LAMP2: variants seen among roughly 807,000 people sequenced by gnomAD.
The protein encoded by LAMP2 is lysosome associated membrane protein 2, also known as lysosome-associated membrane glycoprotein 2.
In LAMP2, 4 loss-of-function variants were observed where a neutral mutation model predicts 25.6. That is an observed-to-expected ratio of 0.16 (90% CI 0.08 to 0.36). The LOEUF is 0.36. LAMP2 is among the 10% of genes least tolerant of loss of function. LAMP2 has a pLI of 1.00. For synonymous variants in LAMP2, 108 were observed against 112.7 expected, an observed-to-expected ratio of 0.96 and a Z score of 0.27; for missense variants, 272 against 301.4, an observed-to-expected ratio of 0.90 and a Z score of 0.72.
Position 120,427,584 on chromosome X carries a change from C to G in LAMP2, c.*3739G>C, listed in dbSNP as rs1374243903. On this transcript the variant is annotated 3_prime_UTR_variant, in exon 9 of 9. Transcript: ENST00000200639. ...AAAGAAATCAATATATTAAAAATAT[C>G]AACTAGAGCATATTCACATAGGGAA... Among the ~76,000 whole-genome samples the G allele has an allele frequency of 8.9e-6, 1 of 111,943 alleles. No individual in the cohort carries two copies. The highest frequency in any genetic ancestry group is 3.2e-5 in the African/African-American group (1 of 30,807).
At chrX:120,460,524 C>T (rs1368132292) in intron 1 of LAMP2, among the ~76,000 whole-genome samples, 1 of 112,176 alleles carries the variant, frequency 8.9e-6, no homozygotes, top group Non-Finnish European at 1.9e-5. Flanking sequence ...CATTTTTCAA[C>T]TTGATATAAA....
intron 1 of LAMP2, among the ~76,000 whole-genome samples, chrX:120,467,723 C>T (rs1380753088): frequency 3.6e-5 from 4 of 112,124 alleles, no homozygotes; most frequent in African/African-American, 1.3e-4. Context: ...GGGCACAACA[C>T]AATCAGCGAA....
Position 120,431,277 on chromosome X carries a change from CTTG to C in LAMP2, c.*43_*45del. The C allele has an allele frequency of 1.7e-6, 2 of 1,206,703 alleles. No homozygotes were observed. Among genetic ancestry groups the C allele is most frequent in the Non-Finnish European group, 2.2e-6 (2 of 891,505 alleles). ...TTCAACAACTGAGAGGTAAGAAAAT[CTTG>C]TTATTTGCATGTATTTTTATATAAT... On this transcript the variant is annotated 3_prime_UTR_variant, in exon 9 of 9. Transcript: ENST00000200639.
At position 120,469,095 on chromosome X, in the gene LAMP2, C is replaced by G. The variant is rs1921660605; in HGVS notation, c.64+11G>C. The G allele has an allele frequency of 3.3e-6, 4 of 1,209,167 alleles. No homozygotes were observed. The highest frequency in any genetic ancestry group is 3.0e-5 in the East Asian group (1 of 33,762). ...GGCGGACAGACTAATCGGGAGGGCC[C>G]GACAACTCACCCAGGACTAGGCAGA... is the stretch of plus-strand genomic sequence containing the variant. On this transcript the variant is annotated intron_variant, in intron 1 of 8. Transcript: ENST00000200639.
Position 120,429,462 on chromosome X carries a change from C to T in LAMP2, c.*1861G>A, listed in dbSNP as rs1056068322. ...ATTAAATACAATTACATTTCTAAAG[C>T]ATCTGATACACATCAAGAGGTCAAC... On this transcript the variant is annotated 3_prime_UTR_variant, in exon 9 of 9. Coordinates refer to ENST00000200639, the MANE Select transcript of LAMP2 (RefSeq NM_002294.3). 22 of 605,340 alleles carry T rather than the reference C, an allele frequency of 3.6e-5. No individual in the cohort carries two copies. Among genetic ancestry groups the T allele is most frequent in the Admixed American group, 9.1e-5 (1 of 10,989 alleles). 49.9% of individuals were successfully genotyped at this position (605,340 alleles called of 1,213,427 possible). A position where few individuals can be genotyped will look rare whatever the true frequency, so the allele number is the denominator to read the frequency against.
intron 8 of LAMP2, chrX:120,438,143 C>T (rs1482469027): frequency 1.6e-5 from 12 of 735,853 alleles, no homozygotes; most frequent in African/African-American, 2.3e-5. Context: ...AGGCGTGAGC[C>T]GCCACGCCCA....
At chrX:120,433,088 A>C (rs1356349875) in intron 8 of LAMP2, among the ~76,000 whole-genome samples, 1 of 111,823 alleles carries the variant, frequency 8.9e-6, no homozygotes, top group African/African-American at 3.3e-5. Context: ...GGGATAGACA[A>C]TGGAGTAGGA....
Position 120,431,258 on chromosome X carries a change from A to G in LAMP2, c.*65T>C. On this transcript the variant is annotated 3_prime_UTR_variant, in exon 9 of 9. Coordinates refer to ENST00000200639, the MANE Select transcript of LAMP2 (RefSeq NM_002294.3). ...ATTTTAAGAAGCAAAGTGTTTCAAC[A>G]ACTGAGAGGTAAGAAAATCTTGTTA... The G allele has an allele frequency of 8.3e-7, 1 of 1,202,039 alleles. No homozygotes were observed.
intron 1 of LAMP2, among the ~76,000 whole-genome samples, chrX:120,460,738 G>T (rs1921280683): frequency 8.9e-6 from 1 of 111,920 alleles, no homozygotes; most frequent in African/African-American, 3.2e-5. Context: ...ATCACTTGAG[G>T]TCAGGAGTTC....
chrX:120,459,499 A>C (rs775670540), intron 1 of LAMP2, among the ~76,000 whole-genome samples: 73 of 112,474 alleles, frequency 6.5e-4, no homozygotes, highest in Non-Finnish European at 1.2e-3. Flanking sequence ...TCAAGCTCCC[A>C]GGCAACAAGG....
intron 3 of LAMP2, among the ~76,000 whole-genome samples, chrX:120,451,655 AG>A (rs766560054): frequency 9.0e-6 from 1 of 110,881 alleles, no homozygotes; most frequent in African/African-American, 3.3e-5. Context: ...TAGTAGAGAC[AG>A]GGTTTCACCA....
rs765836082 is a variant in LAMP2, at chrX:120,446,419, T to G, written c.750A>C (p.Ser250=). ...QLNITQDKVA[S]VININPNTTH... ...TTGTATTGGGGTTGATGTTAATAAC[T>G]GAAGCAACCTTCAGGAGAAGAAGAA... The change falls in exon 6 of 9, where the codon TCA becomes TCC. Residue 250 remains serine, a synonymous_variant. Transcript: ENST00000200639. 9 of 1,210,462 alleles carry G rather than the reference T, an allele frequency of 7.4e-6. No individual in the cohort carries two copies. The South Asian group carries it at 1.4e-4, about 19-fold the overall frequency.
In LAMP2 at chrX:120,438,727, C is replaced by CAA. The variant is rs1472403677; in HGVS notation, c.1093+3002_1093+3003insTT. ...ACACACACACACACACACACACACA[C>CAA]ACACAAAAAGAGCAAAAGGAGCAAG... On this transcript the variant is annotated intron_variant, in intron 8 of 8. Coordinates refer to ENST00000200639, the MANE Select transcript of LAMP2 (RefSeq NM_002294.3). 186 of 672,412 alleles carry CAA rather than the reference C, an allele frequency of 2.8e-4. 4 individuals carry two copies. The East Asian group carries it at 4.6e-3, about 17-fold the overall frequency. 55.4% of individuals were successfully genotyped at this position (672,412 alleles called of 1,213,427 possible).
intron 1 of LAMP2, among the ~76,000 whole-genome samples, chrX:120,468,290 C>T (rs779715535): frequency 9.0e-6 from 1 of 111,029 alleles, no homozygotes; most frequent in Non-Finnish European, 1.9e-5. Context: ...ATTTTTTTGT[C>T]AGCGTCTGGC....
chrX:120,454,067 C>G (rs1157006663), intron 3 of LAMP2, among the ~76,000 whole-genome samples: 1 of 110,893 alleles, frequency 9.0e-6, no homozygotes, highest in Non-Finnish European at 1.9e-5. Flanking sequence ...GTAATCAATT[C>G]ATAGGTTTTA....
chrX:120,454,934 G>GATATATATAT (rs397842673), intron 3 of LAMP2, among the ~76,000 whole-genome samples: 2,681 of 81,471 alleles, frequency 0.033, 173 homozygotes, highest in African/African-American at 0.12. Flanking sequence ...CACACACTAG[G>GATATATATAT]ATATATATAT....
chrX:120,449,900 G>A (rs1388603654), intron 3 of LAMP2, among the ~76,000 whole-genome samples: 1 of 111,519 alleles, frequency 9.0e-6, no homozygotes, highest in African/African-American at 3.3e-5. Context: ...TAAGGTGAAG[G>A]GTAAGGGAGG....
At chrX:120,438,639 A>G (rs746085859) in intron 8 of LAMP2, 12 of 754,070 alleles carry the variant, frequency 1.6e-5, no homozygotes, top group Middle Eastern at 7.6e-4. Flanking sequence ...ATATCTCTCA[A>G]AGGTCAAATA....
intron 4 of LAMP2, among the ~76,000 whole-genome samples, chrX:120,448,304 C>T (rs1039233059): frequency 1.8e-5 from 2 of 111,877 alleles, no homozygotes; most frequent in African/African-American, 6.5e-5. Flanking sequence ...TTTTTCAGAC[C>T]CTTAAATCTT....
Sources: allele counts gnomAD v4.1 joint callset (sites outside exome capture counted in the v4.1 genomes callset), GRCh38; gene constraint gnomAD v4.1.1; transcripts MANE v1.5; gene names NCBI Gene and HGNC (gene_info 2026-07-23, HGNC 2026-07-21).